The following PHF3 variants were observed in gnomAD, a reference collection of about 807,000 sequenced individuals.
PHF3 encodes PHD finger protein 3.
PHF3 carries 41 observed loss-of-function variants against 178.4 expected under a neutral mutation model. The ratio of observed to expected loss-of-function variants is 0.23; its 90% confidence interval spans 0.18 to 0.30. The LOEUF is 0.30. Among genes scored for constraint, PHF3 ranks in the 10% least tolerant of loss-of-function variants. The probability of loss-of-function intolerance (pLI) is 1.00; values close to 1 mark genes in which losing one functional copy is unlikely to be tolerated. For synonymous variants in PHF3, 842 were observed against 800.5 expected, an observed-to-expected ratio of 1.05 and a Z score of -0.88; for missense variants, 2,346 against 2,398.1, an observed-to-expected ratio of 0.98 and a Z score of 0.45.
intron 1 of PHF3, among the ~76,000 whole-genome samples, chr6:63,639,699 A>G (rs1179580301): frequency 6.6e-6 from 1 of 152,106 alleles, no homozygotes; most frequent in Non-Finnish European, 1.5e-5. Flanking sequence ...CTCTAAAGAG[A>G]AAGGACTAAT....
intron 2 of PHF3, among the ~76,000 whole-genome samples, chr6:63,650,604 C>T (rs1353613508): frequency 6.6e-6 from 1 of 152,132 alleles, no homozygotes; most frequent in African/African-American, 2.4e-5. Flanking sequence ...ATTAGTAAAA[C>T]TATCAGTAAT....
intron 4 of PHF3, among the ~76,000 whole-genome samples, chr6:63,690,607 A>G (rs761501255): frequency 6.6e-6 from 1 of 152,106 alleles, no homozygotes; most frequent in Non-Finnish European, 1.5e-5. Flanking sequence ...GCTTGGTACT[A>G]TTGGTGGTGC....
At position 63,712,104 on chromosome 6, in the gene PHF3, A is replaced by C. The variant is rs1767953149; in HGVS notation, c.4516A>C (p.Lys1506Gln). Residue 1506 changes from lysine to glutamine, a missense_variant, in exon 16 of 16, where the codon AAA becomes CAA. Around this residue, in one of 8 missense-constraint regions of PHF3, gnomAD observed 839 missense variants for 806.9 expected, o/e 1.04. Coordinates refer to ENST00000262043, the MANE Select transcript of PHF3 (RefSeq NM_001370348.2). ...ATTTTTAAATGAGCAGACCAACTCA[A>C]AAATAGAGAAAACAGATAATGTGGA... ...IPFLNEQTNS[K>Q]IEKTDNVEVT... 6.2e-7 allele frequency: 1 copy of C among 1,613,672 alleles called. No individual in the cohort carries two copies. Among genetic ancestry groups the C allele is most frequent in the Non-Finnish European group, 8.5e-7 (1 of 1,179,938 alleles).
chr6:63,649,824 A>G (rs1195325069), intron 2 of PHF3, among the ~76,000 whole-genome samples: 7 of 152,198 alleles, frequency 4.6e-5, no homozygotes, highest in African/African-American at 1.7e-4. Context: ...TTTAACCTCT[A>G]GCAAGTAAGC....
Position 63,691,678 on chromosome 6 carries a change from TG to T in PHF3, c.2190-58del, listed in dbSNP as rs1212522146. Reference sequence around the variant, plus strand: ...TGAAAATTTAATTTAGCCTCATTTTTGACATAGATTTTCTTGTTAAAAAAAG... The same window carrying T: ...TGAAAATTTAATTTAGCCTCATTTTTACATAGATTTTCTTGTTAAAAAAAG... On this transcript the variant is annotated intron_variant, in intron 4 of 15. Transcript: ENST00000262043. 2.2e-6 allele frequency: 3 copies of T among 1,377,670 alleles called. No homozygotes were observed. In the East Asian group the frequency reaches 7.0e-5, roughly 32 times the overall value. The allele number at this position is 1,377,670 out of a possible 1,614,324, so 85.3% of individuals were successfully genotyped here. A position where few individuals can be genotyped will look rare whatever the true frequency, so the allele number is the denominator to read the frequency against.
In PHF3 at chr6:63,713,130, G is replaced by A. The variant is rs1768036742; in HGVS notation, c.5542G>A (p.Ala1848Thr). 1 of 1,613,920 alleles carries A rather than the reference G, an allele frequency of 6.2e-7. No individual in the cohort carries two copies. The highest frequency in any genetic ancestry group is 1.3e-5 in the African/African-American group (1 of 74,984). Residue 1848 changes from alanine (A) to threonine (T), a missense_variant, in exon 16 of 16, where the codon GCT becomes ACT. By Grantham distance (58) the Ala-to-Thr change is moderately conservative. Transcript: ENST00000262043. Reference sequence around the variant, plus strand: ...ACTTCCCCCTCCAGGCTTTGGCTTTGCTCAAAATCCCATGGTTCCCTGGCC... The same window carrying A: ...ACTTCCCCCTCCAGGCTTTGGCTTTACTCAAAATCCCATGGTTCCCTGGCC... ...PLLPPPGFGF[A>T]QNPMVPWPPV...
intron 3 of PHF3, 111 bp from the exon 4 acceptor site, chr6:63,684,018 T>C: frequency 1.2e-6 from 1 of 807,260 alleles, no homozygotes; most frequent in Non-Finnish European, 2.0e-6. Context: ...ACATTTTTGT[T>C]GAGCAAATTA....
At chr6:63,690,674 C>A (rs1393883608) in intron 4 of PHF3, among the ~76,000 whole-genome samples, 3 of 152,072 alleles carry the variant, frequency 2.0e-5, no homozygotes, top group African/African-American at 7.2e-5. Flanking sequence ...ATACCTAAAT[C>A]CTTCTAAGTC....
At chr6:63,699,180 ATG>A (rs1311162897) in intron 8 of PHF3, among the ~76,000 whole-genome samples, 1 of 152,164 alleles carries the variant, frequency 6.6e-6, no homozygotes, top group African/African-American at 2.4e-5. Flanking sequence ...AAGGCTGTGC[ATG>A]TGTGTGCGTG....
At chr6:63,696,963 C>T (rs962866844) in intron 6 of PHF3, among the ~76,000 whole-genome samples, 1 of 151,756 alleles carries the variant, frequency 6.6e-6, no homozygotes, top group African/African-American at 2.4e-5. Flanking sequence ...TTTAAAGAAA[C>T]AAATGCCGTA....
chr6:63,699,281 C>T (rs149777421), intron 8 of PHF3, among the ~76,000 whole-genome samples: 203 of 152,270 alleles, frequency 1.3e-3, no homozygotes, highest in African/African-American at 4.6e-3. Context: ...TTTAAAGGTT[C>T]AGAACATGAC....
chr6:63,646,869 C>CT (rs1319107737), intron 2 of PHF3, 74 bp downstream of exon 2: 263 of 858,788 alleles, frequency 3.1e-4, no homozygotes, highest in Non-Finnish European at 3.3e-4. Flanking sequence ...GCAGCTTTTT[C>CT]TTTTTTCTTT....
intron 13 of PHF3, among the ~76,000 whole-genome samples, chr6:63,707,637 TTTA>T (rs2149607771): frequency 6.6e-6 from 1 of 152,178 alleles, no homozygotes; most frequent in African/African-American, 2.4e-5. Context: ...ACCTTTTTCA[TTTA>T]TTCTCTATCT....
chr6:63,679,159 A>G (rs1210751247), intron 2 of PHF3: 1 of 154,922 alleles, frequency 6.5e-6, no homozygotes, highest in African/African-American at 2.4e-5. Flanking sequence ...GGTCTAAATA[A>G]TCACGTTCTT....
intron 1 of PHF3, among the ~76,000 whole-genome samples, chr6:63,645,978 T>A (rs1764767981): frequency 6.6e-6 from 1 of 152,052 alleles, no homozygotes; most frequent in African/African-American, 2.4e-5. Context: ...TTTCCACCTC[T>A]TCCCCCACAA....
intron 1 of PHF3, among the ~76,000 whole-genome samples, chr6:63,642,745 T>C (rs1374378579): frequency 1.3e-5 from 2 of 152,148 alleles, no homozygotes; most frequent in Non-Finnish European, 2.9e-5. Context: ...ATGCCAAATA[T>C]AGGAAAGCAT....
chr6:63,721,835 TAA>T lies in PHF3; in HGVS notation c.*8130_*8131del. 2 of 1,499,230 alleles carry T rather than the reference TAA, an allele frequency of 1.3e-6. No individual in the cohort carries two copies. Among genetic ancestry groups the T allele is most frequent in the South Asian group, 1.3e-5 (1 of 75,168 alleles). 92.9% of individuals were successfully genotyped at this position (1,499,230 alleles called of 1,614,324 possible). A position where few individuals can be genotyped will look rare whatever the true frequency, so the allele number is the denominator to read the frequency against. Reference sequence around the variant, plus strand: ...AAACAGTAAGTTTGATTAGCAACAGTAAAAGTTTCCATTGAAAACTTTTGCTG... The same window carrying T: ...AAACAGTAAGTTTGATTAGCAACAGTAAGTTTCCATTGAAAACTTTTGCTG... On this transcript the variant is annotated 3_prime_UTR_variant, in exon 16 of 16. Transcript: ENST00000262043.
chr6:63,685,222 C>G lies in PHF3; in HGVS notation c.1500C>G (p.Asn500Lys). ...AACCTGTAATTCATTCTAAGCAAAACATGACCACAGATGCTCCGAAGAAAA... is the reference window on the plus strand; with the variant it reads ...AACCTGTAATTCATTCTAAGCAAAAGATGACCACAGATGCTCCGAAGAAAA... Reference protein sequence around the residue: ...HTKPVIHSKQNMTTDAPKKIV... With the variant: ...HTKPVIHSKQKMTTDAPKKIV... Residue 500 changes from asparagine (N) to lysine (K), a missense_variant, in exon 4 of 16, where the codon AAC (asparagine) becomes AAG (lysine). Transcript: ENST00000262043. 1 of 1,613,878 alleles carries G rather than the reference C, an allele frequency of 6.2e-7. No homozygotes were observed. The highest frequency in any genetic ancestry group is 1.1e-5 in the South Asian group (1 of 91,072).
At chr6:63,696,271 G>GT in intron 6 of PHF3, among the ~76,000 whole-genome samples, 1 of 152,268 alleles carries the variant, frequency 6.6e-6, no homozygotes, top group Middle Eastern at 3.4e-3. Flanking sequence ...CTACAGGAGA[G>GT]TTTGACAATG....
Sources: allele counts gnomAD v4.1 joint callset (sites outside exome capture counted in the v4.1 genomes callset), GRCh38; gene constraint gnomAD v4.1.1; regional missense constraint gnomAD v4.1.1; transcripts MANE v1.5; gene names NCBI Gene and HGNC (gene_info 2026-07-23, HGNC 2026-07-21).